RYR2: variants seen among roughly 807,000 people sequenced by gnomAD.
RYR2 encodes cardiac muscle ryanodine receptor-calcium release channel.
A neutral mutation model predicts 601.1 loss-of-function variants in RYR2; 227 were observed. That is an observed-to-expected ratio of 0.38 (90% CI 0.34 to 0.42). RYR2 has a LOEUF of 0.42. RYR2 is among the 10% of genes least tolerant of loss of function. RYR2 has a pLI of 1.00. For synonymous variants in RYR2, 2,223 were observed against 2,175.1 expected, an observed-to-expected ratio of 1.02 and a Z score of -0.61; for missense variants, 4,646 against 6,156.5, an observed-to-expected ratio of 0.75 and a Z score of 8.21.
chr1:237,590,999 A>C lies in RYR2; in HGVS notation c.4160+7A>C. 1 of 1,602,862 alleles carries C rather than the reference A, an allele frequency of 6.2e-7. No individual in the cohort carries two copies. Among genetic ancestry groups the C allele is most frequent in the Non-Finnish European group, 8.5e-7 (1 of 1,173,336 alleles). ...CCTCTCGTCTGAAACAAAGGTTACT[A>C]ATTTATACGCTGTGATTTTAAATTT... On this transcript the variant is annotated splice_region_variant and intron_variant, in intron 31 of 104. Transcript: ENST00000366574.
rs148813069 is a variant in RYR2 at position 237,160,353 on chromosome 1, T to G, written c.49-110144T>G. 2.4e-3 allele frequency among the ~76,000 whole-genome samples: 363 copies of G among 152,312 alleles called. 2 individuals are homozygous for G. Among genetic ancestry groups the G allele is most frequent in the African/African-American group, 8.3e-3 (345 of 41,574 alleles). Reference sequence around the variant, plus strand: ...AATTTTATTATGGTCTTCAATTACATTTTCTTCCTTATTTCTTTAGTATTG... The same window carrying G: ...AATTTTATTATGGTCTTCAATTACAGTTTCTTCCTTATTTCTTTAGTATTG... On this transcript the variant is annotated intron_variant, in intron 1 of 104. Coordinates refer to ENST00000366574, the MANE Select transcript of RYR2 (RefSeq NM_001035.3).
chr1:237,285,107 C>T (rs1216517456), intron 2 of RYR2, among the ~76,000 whole-genome samples: 1 of 152,090 alleles, frequency 6.6e-6, no homozygotes, highest in Non-Finnish European at 1.5e-5. Flanking sequence ...TGTCTTGTTC[C>T]AGTTCTCAGA....
At chr1:237,189,418 A>G (rs996692871) in intron 1 of RYR2, among the ~76,000 whole-genome samples, 1 of 152,186 alleles carries the variant, frequency 6.6e-6, no homozygotes, top group African/African-American at 2.4e-5. Context: ...TCTTTTGGAT[A>G]TAGATACCCA....
intron 1 of RYR2, among the ~76,000 whole-genome samples, chr1:237,069,287 T>C (rs931474051): frequency 6.6e-6 from 1 of 152,126 alleles, no homozygotes; most frequent in African/African-American, 2.4e-5. Flanking sequence ...CAATAGAACT[T>C]AAAGAGAGCA....
At chr1:237,761,926 C>T (rs2149280089) in intron 84 of RYR2, among the ~76,000 whole-genome samples, 1 of 152,198 alleles carries the variant, frequency 6.6e-6, no homozygotes, top group Non-Finnish European at 1.5e-5. Context: ...TCCCATCTGC[C>T]ATTTGTAGTC....
intron 1 of RYR2, among the ~76,000 whole-genome samples, chr1:237,173,576 T>A (rs559204115): frequency 1.3e-5 from 2 of 152,146 alleles, no homozygotes; most frequent in East Asian, 3.9e-4. Context: ...TTGGAAAGAG[T>A]AGCTGGGTCA....
At chr1:237,291,454 A>G (rs1021155128) in intron 2 of RYR2, among the ~76,000 whole-genome samples, 28 of 152,170 alleles carry the variant, frequency 1.8e-4, no homozygotes, top group African/African-American at 6.8e-4. Flanking sequence ...CAAATGAGTA[A>G]AAGCTTATGT....
chr1:237,491,524 C>T (rs1278822199), intron 17 of RYR2, among the ~76,000 whole-genome samples: 1 of 152,202 alleles, frequency 6.6e-6, no homozygotes, highest in African/African-American at 2.4e-5. Flanking sequence ...TGTGTTGCTT[C>T]GTGTACGCCC....
intron 17 of RYR2, among the ~76,000 whole-genome samples, chr1:237,480,341 C>T (rs1031518739): frequency 2.8e-5 from 4 of 144,384 alleles, no homozygotes; most frequent in Non-Finnish European, 6.0e-5. Flanking sequence ...ATCGCTTAAG[C>T]CTGGGAGGCA....
chr1:237,586,434 A>G (rs759318830), intron 29 of RYR2, among the ~76,000 whole-genome samples: 3 of 152,190 alleles, frequency 2.0e-5, no homozygotes, highest in Non-Finnish European at 4.4e-5. Flanking sequence ...TAAAACTATA[A>G]CCCTAAGGGG....
At chr1:237,234,352 C>T (rs945123165) in intron 1 of RYR2, among the ~76,000 whole-genome samples, 3 of 152,150 alleles carry the variant, frequency 2.0e-5, no homozygotes, top group Non-Finnish European at 2.9e-5. Flanking sequence ...AACCCTTTGG[C>T]TGTGTCTAGA....
chr1:237,641,012 T>C lies in RYR2; in HGVS notation c.7221+10T>C. 6.3e-7 allele frequency: 1 copy of C among 1,598,950 alleles called. No individual in the cohort carries two copies. Among genetic ancestry groups the C allele is most frequent in the Non-Finnish European group, 8.5e-7 (1 of 1,169,826 alleles). On this transcript the variant is annotated intron_variant, in intron 47 of 104. Coordinates refer to ENST00000366574, the MANE Select transcript of RYR2 (RefSeq NM_001035.3). Reference sequence around the variant, plus strand: ...TGCTCCTGAGATGCATGTGAGTTTCTGGGAGTTCAGGAGCAGCAATCCTGA... The same window carrying C: ...TGCTCCTGAGATGCATGTGAGTTTCCGGGAGTTCAGGAGCAGCAATCCTGA...
intron 3 of RYR2, among the ~76,000 whole-genome samples, chr1:237,349,554 G>A (rs1360097374): frequency 1.3e-5 from 2 of 152,126 alleles, no homozygotes; most frequent in Non-Finnish European, 2.9e-5. Flanking sequence ...TCGTATTAAT[G>A]CCTTGTGGGG....
rs116450377 is a variant in RYR2, at chr1:237,610,391, A to G, written c.4684-371A>G. On this transcript the variant is annotated intron_variant, in intron 35 of 104. Transcript: ENST00000366574. The surrounding 1 kb of genome is among the most constrained non-coding windows in gnomAD (Gnocchi z 4.9). ...GGGGGATGTGACATATCTGTCATTC[A>G]GGAAGTTTGGCACTGAAAGTCCCTA... 0.025 allele frequency among the ~76,000 whole-genome samples: 3,751 copies of G among 152,302 alleles called. 78 individuals are homozygous for G. The highest frequency in any genetic ancestry group is 0.075 in the Middle Eastern group (22 of 294).
chr1:237,565,300 CT>C (rs35624697), intron 27 of RYR2, among the ~76,000 whole-genome samples: 80,896 of 146,634 alleles, frequency 0.55, 24,471 homozygotes, highest in South Asian at 0.68. Flanking sequence ...GGATCTCACT[CT>C]ATCACCCAGG....
intron 24 of RYR2, among the ~76,000 whole-genome samples, chr1:237,512,882 T>C (rs1666052484): frequency 6.6e-6 from 1 of 152,042 alleles, no homozygotes; most frequent in Non-Finnish European, 1.5e-5. Flanking sequence ...AAAATGATAG[T>C]AATAAAAATA....
At position 237,648,431 on chromosome 1, in the gene RYR2, T is replaced by C; in HGVS notation, c.7343-13T>C. 1.9e-6 allele frequency: 3 copies of C among 1,589,348 alleles called. No homozygotes were observed. The highest frequency in any genetic ancestry group is 1.7e-6 in the Non-Finnish European group (2 of 1,166,012). ...CACAGCCATTGACACCAAAATTCAC[T>C]TCTCTCTTTTAGATGGGAATGTGGT... On this transcript the variant is annotated splice_polypyrimidine_tract_variant and intron_variant, in intron 48 of 104. Coordinates refer to ENST00000366574, the MANE Select transcript of RYR2 (RefSeq NM_001035.3).
chr1:237,139,803 T>G (rs886069646), intron 1 of RYR2, among the ~76,000 whole-genome samples: 2 of 152,214 alleles, frequency 1.3e-5, no homozygotes, highest in Non-Finnish European at 2.9e-5. Context: ...CGCAAAACAC[T>G]AACAGATTCA....
At chr1:237,398,407 A>G (rs1425566025) in intron 10 of RYR2, among the ~76,000 whole-genome samples, 1 of 152,244 alleles carries the variant, frequency 6.6e-6, no homozygotes. Flanking sequence ...ATAAAGAATC[A>G]ACAGTAAAAT....
Sources: gnomAD v4.1 joint callset for allele counts (sites outside exome capture counted in the v4.1 genomes callset) on GRCh38, gnomAD v4.1.1 for gene constraint, Gnocchi (gnomAD v3.1) non-coding constraint, MANE v1.5 for transcripts, NCBI Gene and HGNC (gene_info 2026-07-23, HGNC 2026-07-21) for gene names.